The following HLTF variants were observed in gnomAD, a reference collection of about 807,000 sequenced individuals.
HLTF encodes the protein helicase like transcription factor, also known as DNA-dependent ATPase/E3 ubiquitin-protein ligase HLTF.
HLTF carries 127 observed loss-of-function variants against 129.4 expected under a neutral mutation model. That is an observed-to-expected ratio of 0.98 (90% CI 0.85 to 1.14). HLTF has a LOEUF of 1.14. HLTF is among the 50% of genes most tolerant of loss of function. HLTF has a pLI of 0.00. For synonymous variants in HLTF, 332 were observed against 388.8 expected, an observed-to-expected ratio of 0.85 and a Z score of 1.72; for missense variants, 1,139 against 1,187.1, an observed-to-expected ratio of 0.96 and a Z score of 0.60.
chr3:149,078,401 T>A (rs1719569810), intron 2 of HLTF, among the ~76,000 whole-genome samples: 1 of 151,854 alleles, frequency 6.6e-6, no homozygotes, highest in African/African-American at 2.4e-5. Flanking sequence ...AATAGAAAAA[T>A]TAGCCAGGTA....
chr3:149,069,691 C>T (rs956392193), intron 7 of HLTF, among the ~76,000 whole-genome samples: 1 of 152,074 alleles, frequency 6.6e-6, no homozygotes, highest in Non-Finnish European at 1.5e-5. Flanking sequence ...TTTCATGCGA[C>T]ACCATTTTTA....
intron 13 of HLTF, among the ~76,000 whole-genome samples, chr3:149,056,729 T>A (rs1227961534): frequency 6.6e-6 from 1 of 152,232 alleles, no homozygotes; most frequent in Non-Finnish European, 1.5e-5. Flanking sequence ...AGAACAATTA[T>A]AACAATATAC....
At chr3:149,055,188 T>A in intron 14 of HLTF, 115 bp downstream of exon 14, 1 of 656,240 alleles carries the variant, frequency 1.5e-6, no homozygotes, top group Non-Finnish European at 2.5e-6. Context: ...TGAACTTAGA[T>A]ACGAACTGAT....
chr3:149,035,610 G>C, intron 23 of HLTF, among the ~76,000 whole-genome samples: 1 of 130,378 alleles, frequency 7.7e-6, no homozygotes, highest in East Asian at 2.6e-4. Context: ...AGTGAGCCGA[G>C]ATCGCGCCAC....
rs576529757 is a variant in HLTF, at chr3:149,070,221, C to T, written c.894+1031G>A. On this transcript the variant is annotated intron_variant, in intron 7 of 24. Transcript: ENST00000310053. ...TCTGCAATTATCTAAAAAGCTATTACAATACTCCTCTCTTTACAGCAACAT... is the reference window on the plus strand; with the variant it reads ...TCTGCAATTATCTAAAAAGCTATTATAATACTCCTCTCTTTACAGCAACAT... 3.9e-5 allele frequency among the ~76,000 whole-genome samples: 6 copies of T among 152,268 alleles called. No homozygotes were observed. In the East Asian group the frequency reaches 1.2e-3, roughly 29 times the overall value.
intron 24 of HLTF, among the ~76,000 whole-genome samples, chr3:149,033,867 C>T (rs987931860): frequency 6.6e-6 from 1 of 151,974 alleles, no homozygotes; most frequent in Admixed American, 6.6e-5. Flanking sequence ...AAAAGGCTGA[C>T]GTTTTAAATC....
At chr3:149,052,533 G>A (rs1198177396) in intron 14 of HLTF, among the ~76,000 whole-genome samples, 1 of 152,162 alleles carries the variant, frequency 6.6e-6, no homozygotes, top group East Asian at 1.9e-4. Context: ...ACATATTCAA[G>A]GCAGAGGAAA....
Position 149,048,908 on chromosome 3 carries a change from T to C in HLTF, c.1711A>G (p.Lys571Glu), listed in dbSNP as rs1465993973. ...AIRNPNAQQT[K>E]AVLDLESERR... ...TCTGATTCTAAGTCAAGTACAGCTT[T>C]TGTCTGCTGAGCATTTGGATTTCGT... The change falls in exon 16 of 25, where the codon AAA (lysine) becomes GAA (glutamate). Residue 571 changes from lysine to glutamate, a missense_variant. Physicochemically the swap from Lys to Glu is moderately conservative, Grantham distance 56 (BLOSUM62 1). Transcript: ENST00000310053. The C allele has an allele frequency of 1.9e-5, 31 of 1,613,536 alleles. No homozygotes were observed. Among genetic ancestry groups the C allele is most frequent in the Non-Finnish European group, 2.5e-5 (30 of 1,179,640 alleles).
chr3:149,068,319 G>A lies in HLTF; in HGVS notation c.911C>T (p.Ala304Val). The change falls in exon 8 of 25, where the codon GCC becomes GTC. Residue 304 changes from alanine to valine, a missense_variant. Physicochemically the swap from Ala to Val is moderately conservative, Grantham distance 64. Coordinates refer to ENST00000310053, the MANE Select transcript of HLTF (RefSeq NM_003071.4). Reference protein sequence around the residue: ...DDMGLGKTLTAIAVILTNFHD... With the variant: ...DDMGLGKTLTVIAVILTNFHD... ...GAAGTTGGTAAGGATTACTGCAATG[G>A]CCGTAAGAGTTTTACCCTTAAAAAT... 1 of 1,532,786 alleles carries A rather than the reference G, an allele frequency of 6.5e-7. No individual in the cohort carries two copies. Among genetic ancestry groups the A allele is most frequent in the Non-Finnish European group, 9.0e-7 (1 of 1,113,190 alleles). 94.9% of individuals were successfully genotyped at this position (1,532,786 alleles called of 1,614,324 possible).
At chr3:149,070,752 T>C (rs1344289273) in intron 7 of HLTF, among the ~76,000 whole-genome samples, 4 of 152,044 alleles carry the variant, frequency 2.6e-5, no homozygotes, top group Non-Finnish European at 2.9e-5. Context: ...GCAAAGAAAA[T>C]TGAGAAACAT....
At position 149,032,367 on chromosome 3, in the gene HLTF, A is replaced by G. The variant is rs1233564998; in HGVS notation, c.2883T>C (p.Ile961=). 2.7e-6 allele frequency: 4 copies of G among 1,495,510 alleles called. No individual in the cohort carries two copies. Among genetic ancestry groups the G allele is most frequent in the Non-Finnish European group, 3.6e-6 (4 of 1,117,170 alleles). 92.6% of individuals were successfully genotyped at this position (1,495,510 alleles called of 1,614,324 possible). A position where few individuals can be genotyped will look rare whatever the true frequency, so the allele number is the denominator to read the frequency against. The change falls in exon 25 of 25, where the codon ATT becomes ATC. Residue 961 remains isoleucine, a synonymous_variant. Coordinates refer to ENST00000310053, the MANE Select transcript of HLTF (RefSeq NM_003071.4). ...QKQEVIITKF[I]VKDSVEENML... ...TATTTTCTTCAACAGAGTCCTTTAC[A>G]ATGAACTTTAAAAAGAAAAAAAAAA... is the stretch of plus-strand genomic sequence containing the variant.
chr3:149,066,800 A>T (rs1718418488), intron 8 of HLTF, among the ~76,000 whole-genome samples: 1 of 152,202 alleles, frequency 6.6e-6, no homozygotes, highest in Non-Finnish European at 1.5e-5. Context: ...TGTAGGAAGA[A>T]CAAGACATAA....
In HLTF at chr3:149,035,971, T is replaced by C. The variant is rs184731569; in HGVS notation, c.2797-973A>G. On this transcript the variant is annotated intron_variant, in intron 23 of 24. Transcript: ENST00000310053. ...TAACACGGTGAAACCCCATCTCTAC[T>C]AAAAATACAAAAAATTAGCCGGGCG... Among the ~76,000 whole-genome samples the C allele has an allele frequency of 3.7e-3, 554 of 151,446 alleles. 4 individuals carry two copies. Among genetic ancestry groups the C allele is most frequent in the African/African-American group, 0.013 (528 of 41,294 alleles).
rs371833923 is a variant in HLTF, at chr3:149,061,847, A to G, written c.1161-989T>C. ...GCAAAACTCTGTCTCAAAAAAAAAA[A>G]AAAAGAAAAGAAAAGAAAAAAGAAT... is the stretch of plus-strand genomic sequence containing the variant. On this transcript the variant is annotated intron_variant, in intron 10 of 24. Transcript: ENST00000310053. 1.4e-4 allele frequency among the ~76,000 whole-genome samples: 22 copies of G among 151,906 alleles called. No individual in the cohort carries two copies. In the East Asian group the frequency reaches 3.9e-3, roughly 27 times the overall value.
chr3:149,037,372 G>A (rs62274647), intron 23 of HLTF, among the ~76,000 whole-genome samples: 52,290 of 151,390 alleles, frequency 0.35, 9,277 homozygotes, highest in Middle Eastern at 0.5. Flanking sequence ...AGGAGGCTGA[G>A]GCAGTGAACC....
At chr3:149,063,733 G>C (rs941880780) in intron 9 of HLTF, among the ~76,000 whole-genome samples, 45 of 151,510 alleles carry the variant, frequency 3.0e-4, no homozygotes, top group African/African-American at 1.1e-3. Flanking sequence ...TTATGACCCA[G>C]TCTTTTCTTT....
intron 18 of HLTF, 41 bp downstream of exon 18, chr3:149,046,039 A>G: frequency 6.8e-7 from 1 of 1,472,412 alleles, no homozygotes; most frequent in Non-Finnish European, 9.4e-7. Flanking sequence ...GAAACAAAGT[A>G]AACAAAAACT....
chr3:149,074,005 C>T (rs776741745), intron 4 of HLTF, among the ~76,000 whole-genome samples: 2 of 152,054 alleles, frequency 1.3e-5, no homozygotes, highest in East Asian at 3.9e-4. Context: ...AATATCCCCT[C>T]ACTCTTACTG....
rs548457763 is a variant in HLTF at position 149,063,477 on chromosome 3, T to C, written c.1114A>G (p.Lys372Glu). ...AATTCTGACATGCGAAACTTACTCTTCTCCTTGATATCTGAAATACTGGGT... is the reference window on the plus strand; with the variant it reads ...AATTCTGACATGCGAAACTTACTCTCCTCCTTGATATCTGAAATACTGGGT... Reference protein sequence around the residue: ...EQPSISDIKEKSKFRMSELSS... With the variant: ...EQPSISDIKEESKFRMSELSS... The change falls in exon 10 of 25, where the codon AAG (lysine) becomes GAG (glutamate). Residue 372 changes from lysine (K) to glutamate (E), a missense_variant. By Grantham distance (56) the Lys-to-Glu change is moderately conservative. Transcript: ENST00000310053. The C allele has an allele frequency of 5.6e-6, 9 of 1,611,544 alleles. No individual in the cohort carries two copies. The East Asian group carries it at 1.8e-4, about 32-fold the overall frequency.
Sources: gnomAD v4.1 joint callset for allele counts (sites outside exome capture counted in the v4.1 genomes callset) on GRCh38, gnomAD v4.1.1 for gene constraint, MANE v1.5 for transcripts, NCBI Gene and HGNC (gene_info 2026-07-23, HGNC 2026-07-21) for gene names.